Variants in PRDM10 observed in about 807,000 individuals in gnomAD.
PRDM10 encodes the protein PR domain zinc finger protein 10.
In PRDM10, 65 loss-of-function variants were observed where a neutral mutation model predicts 133.1. The ratio of observed to expected loss-of-function variants is 0.49; its 90% CI spans 0.40 to 0.60. The LOEUF (loss-of-function observed/expected upper bound fraction) is 0.60, where lower values mean the gene tolerates loss of function less well. PRDM10 is among the 20% of genes least tolerant of loss of function. PRDM10 has a pLI of 0.00. For synonymous variants in PRDM10, 582 were observed against 580.4 expected (o/e 1.00, Z -0.04); for missense variants, 1,137 against 1,507.1 (o/e 0.75, Z 4.07).
chr11:129,948,184 G>C (rs187200438), intron 4 of PRDM10: 174 of 428,582 alleles, frequency 4.1e-4, no homozygotes, highest in African/African-American at 3.0e-3. Context: ...AAATAAAAAT[G>C]GTACCTTAAA....
intron 1 of PRDM10, among the ~76,000 whole-genome samples, chr11:129,992,540 C>T (rs986276402): frequency 6.6e-6 from 1 of 152,192 alleles, no homozygotes; most frequent in Non-Finnish European, 1.5e-5. Flanking sequence ...ATGGTTTCCA[C>T]CTGCTGTTGT....
chr11:129,915,651 T>A lies in PRDM10; in HGVS notation c.2526+9A>T, dbSNP rs766762832. On this transcript the variant is annotated intron_variant, in intron 16 of 20. Coordinates refer to ENST00000360871, the MANE Select transcript of PRDM10 (RefSeq NM_199437.2). ...TTTGACCTTAGCTTTAGTCAGAAAC[T>A]CCCCCTACCTTGCTGCTGTACTGCT... is the stretch of plus-strand genomic sequence containing the variant. 6.4e-7 allele frequency: 1 copy of A among 1,557,944 alleles called. No individual in the cohort carries two copies. The highest frequency in any genetic ancestry group is 8.7e-7 in the Non-Finnish European group (1 of 1,152,842).
At chr11:129,929,554 T>C (rs1950786129) in intron 11 of PRDM10, 1 of 769,502 alleles carries the variant, frequency 1.3e-6, no homozygotes, top group African/African-American at 1.8e-5. Context: ...TTAGAATGTG[T>C]GAGAGAAAAA....
intron 16 of PRDM10, 55 bp downstream of exon 16, chr11:129,915,605 A>C: frequency 3.0e-5 from 45 of 1,501,648 alleles, no homozygotes; most frequent in Non-Finnish European, 3.9e-5. Flanking sequence ...CCTTTCCTTA[A>C]GAGATTCCTC....
Position 129,947,123 on chromosome 11 carries a change from G to A in PRDM10, c.520+22C>T. ...ACAAGATGGACACAGCTTCCCTGGG[G>A]GAGACCCGTGCCCACACTTACACAA... On this transcript the variant is annotated intron_variant, in intron 5 of 20. Transcript: ENST00000360871. This position sits in a 1 kb window ranked among gnomAD's most constrained non-coding sequence, Gnocchi z 4.6. 3 of 1,611,946 alleles carry A rather than the reference G, an allele frequency of 1.9e-6. 1 individual carries two copies. The highest frequency in any genetic ancestry group is 2.5e-6 in the Non-Finnish European group (3 of 1,178,600).
At chr11:129,978,020 TCAA>T (rs906646352) in intron 1 of PRDM10, among the ~76,000 whole-genome samples, 1 of 135,022 alleles carries the variant, frequency 7.4e-6, no homozygotes, top group Non-Finnish European at 1.5e-5. Context: ...ATAAAGGATT[TCAA>T]CAATTTTTTT....
rs779706498 is a variant in PRDM10 at position 129,960,888 on chromosome 11, G to A, written c.69+8C>T. 2.5e-6 allele frequency: 4 copies of A among 1,613,892 alleles called. No homozygotes were observed. In the Admixed American group the frequency reaches 6.7e-5, roughly 27 times the overall value. On this transcript the variant is annotated splice_region_variant and intron_variant, in intron 2 of 20. Coordinates refer to ENST00000360871, the MANE Select transcript of PRDM10 (RefSeq NM_199437.2). ...CTCAATACCAAGCTGGAAAAGACCA[G>A]TCTTCACCTGTGCGGCATTCTGTTC...
chr11:129,936,176 A>T (rs1189412319), intron 8 of PRDM10, among the ~76,000 whole-genome samples: 1 of 152,176 alleles, frequency 6.6e-6, no homozygotes, highest in Non-Finnish European at 1.5e-5. Flanking sequence ...GGAATCATAC[A>T]TCAATGTACC....
chr11:129,905,879 C>T, intron 19 of PRDM10, 138 bp from the exon 20 acceptor site: 2 of 736,608 alleles, frequency 2.7e-6, no homozygotes, highest in Non-Finnish European at 2.3e-6. Context: ...TTTCTTGGTG[C>T]CGTGAAAGCA....
At chr11:129,975,234 C>G (rs1937693194) in intron 1 of PRDM10, among the ~76,000 whole-genome samples, 1 of 152,138 alleles carries the variant, frequency 6.6e-6, no homozygotes, top group South Asian at 2.1e-4. Flanking sequence ...CGAGACCAGC[C>G]TGGCAAACAC....
intron 6 of PRDM10, among the ~76,000 whole-genome samples, chr11:129,944,451 G>A (rs574384342): frequency 4.6e-5 from 7 of 152,230 alleles, no homozygotes; most frequent in East Asian, 1.9e-4. Context: ...CGGGCGTGGT[G>A]GCGGGCGCCT....
At chr11:129,989,205 T>G (rs571494560) in intron 1 of PRDM10, among the ~76,000 whole-genome samples, 2 of 152,118 alleles carry the variant, frequency 1.3e-5, no homozygotes, top group South Asian at 2.1e-4. Context: ...TTTGGGAGGC[T>G]GAGGGGGGAT....
At chr11:129,942,383 ACT>A (rs1951239346) in intron 7 of PRDM10, 41 bp downstream of exon 7, 3 of 1,568,310 alleles carry the variant, frequency 1.9e-6, no homozygotes, top group African/African-American at 2.7e-5. Flanking sequence ...CTAAACAATC[ACT>A]CTTGCTAGCA....
At chr11:129,988,821 G>A (rs1010851226) in intron 1 of PRDM10, among the ~76,000 whole-genome samples, 10 of 151,990 alleles carry the variant, frequency 6.6e-5, no homozygotes, top group Non-Finnish European at 1.2e-4. Context: ...AACAGAGACG[G>A]GGTTTCACCG....
chr11:129,937,538 G>C (rs1417455880), intron 8 of PRDM10, 60 bp downstream of exon 8: 6 of 1,471,360 alleles, frequency 4.1e-6, no homozygotes, highest in Non-Finnish European at 5.6e-6. Context: ...GTTTCATAAA[G>C]ATGTGATATA....
chr11:130,001,511 G>C (rs982515282), intron 1 of PRDM10, among the ~76,000 whole-genome samples: 4 of 152,150 alleles, frequency 2.6e-5, no homozygotes, highest in Admixed American at 6.5e-5. Flanking sequence ...GCAGAGCTGG[G>C]TGGGTCTCAT....
chr11:129,947,977 G>A lies in PRDM10; in HGVS notation c.295-607C>T, dbSNP rs913508671. 3.3e-5 allele frequency: 15 copies of A among 452,454 alleles called. No individual in the cohort carries two copies. Among genetic ancestry groups the A allele is most frequent in the Middle Eastern group, 3.3e-4 (1 of 3,064 alleles). 28.0% of individuals were successfully genotyped at this position (452,454 alleles called of 1,614,324 possible). On this transcript the variant is annotated intron_variant, in intron 4 of 20. Coordinates refer to ENST00000360871, the MANE Select transcript of PRDM10 (RefSeq NM_199437.2). The surrounding 1 kb of genome is among the most constrained non-coding windows in gnomAD (Gnocchi z 4.6). Reference sequence around the variant, plus strand: ...CTTGTCTTTTAAAACTAAACACGTCGTGCAACACATGGTTAACAAAGTTCC... The same window carrying A: ...CTTGTCTTTTAAAACTAAACACGTCATGCAACACATGGTTAACAAAGTTCC...
At chr11:129,944,041 G>A (rs1293262973) in intron 6 of PRDM10, among the ~76,000 whole-genome samples, 3 of 151,932 alleles carry the variant, frequency 2.0e-5, no homozygotes, top group African/African-American at 7.3e-5. Flanking sequence ...AAGAAGGGGC[G>A]ATTAGGACGT....
At chr11:129,928,055 GAC>G (rs1468552355) in intron 11 of PRDM10, among the ~76,000 whole-genome samples, 1 of 152,174 alleles carries the variant, frequency 6.6e-6, no homozygotes. Flanking sequence ...TGAATTCTAA[GAC>G]AACAGATTAT....
Sources: allele counts gnomAD v4.1 joint callset (sites outside exome capture counted in the v4.1 genomes callset), GRCh38; gene constraint gnomAD v4.1.1; non-coding constraint Gnocchi (gnomAD v3.1); transcripts MANE v1.5; gene names NCBI Gene and HGNC (gene_info 2026-07-23, HGNC 2026-07-21).